SPSB4: variants seen among roughly 807,000 people sequenced by gnomAD.
SPSB4 encodes the protein SPRY domain-containing SOCS box protein 4.
A neutral mutation model predicts 20.9 loss-of-function variants in SPSB4; 21 were observed. That is an observed-to-expected ratio of 1.01 (90% CI 0.71 to 1.45). The LOEUF is 1.45. Ranked by LOEUF, SPSB4 falls within the 40% of genes most tolerant of loss-of-function variation. The pLI is 0.00. For missense variants in SPSB4, 399 were observed against 399.2 expected (o/e 1.00, Z 0.00); for synonymous variants, 207 against 183.8 (o/e 1.13, Z -1.02).
intron 2 of SPSB4, among the ~76,000 whole-genome samples, chr3:141,113,792 A>G (rs907600302): frequency 6.6e-6 from 1 of 152,210 alleles, no homozygotes; most frequent in Admixed American, 6.5e-5. Context: ...ACTGAATTGT[A>G]TACTTTAAAA....
rs1310083379 is a variant in SPSB4, at chr3:141,066,218, C to T, written c.114C>T (p.Asp38=). The T allele has an allele frequency of 4.5e-6, 7 of 1,547,948 alleles. No individual in the cohort carries two copies. The highest frequency in any genetic ancestry group is 6.1e-6 in the Non-Finnish European group (7 of 1,149,074). ...AGCCCGGGCGGCCGGCGCGGCTGGA[C>T]CAGCTGTTGGACATGCCAGCGGCGG... ...GAEPGRPARL[D]QLLDMPAAGL... Residue 38 remains aspartate, a synonymous_variant, in exon 2 of 3, where the codon GAC becomes GAT. Coordinates refer to ENST00000310546, the MANE Select transcript of SPSB4 (RefSeq NM_080862.3).
intron 1 of SPSB4, among the ~76,000 whole-genome samples, chr3:141,063,252 T>C (rs1243444678): frequency 1.3e-5 from 2 of 152,246 alleles, no homozygotes; most frequent in Admixed American, 6.5e-5. Flanking sequence ...TAAATCACTT[T>C]GCTTTGGGGA....
intron 2 of SPSB4, among the ~76,000 whole-genome samples, chr3:141,119,523 A>C (rs911907354): frequency 6.6e-6 from 1 of 152,096 alleles, no homozygotes; most frequent in East Asian, 1.9e-4. Flanking sequence ...ACTTCCAACA[A>C]TATGTTGAAT....
At chr3:141,106,817 C>T (rs962876228) in intron 2 of SPSB4, among the ~76,000 whole-genome samples, 5 of 152,194 alleles carry the variant, frequency 3.3e-5, no homozygotes, top group African/African-American at 7.2e-5. Context: ...CCTCAACCTA[C>T]CTGAAATAAC....
chr3:141,093,500 G>T (rs556653103), intron 2 of SPSB4, among the ~76,000 whole-genome samples: 36 of 151,980 alleles, frequency 2.4e-4, no homozygotes, highest in African/African-American at 8.5e-4. Context: ...GCCATACCGA[G>T]GTGTAATGCA....
At chr3:141,130,456 C>T (rs1939115325) in intron 2 of SPSB4, among the ~76,000 whole-genome samples, 1 of 152,146 alleles carries the variant, frequency 6.6e-6, no homozygotes, top group African/African-American at 2.4e-5. Flanking sequence ...GTCTCCTCCT[C>T]ATTTCATTCC....
intron 2 of SPSB4, among the ~76,000 whole-genome samples, chr3:141,097,050 T>C (rs572775105): frequency 6.6e-6 from 1 of 152,314 alleles, no homozygotes; most frequent in African/African-American, 2.4e-5. Flanking sequence ...CACCCTGAAA[T>C]ACCCGTTCTT....
chr3:141,096,366 G>A (rs1938548297), intron 2 of SPSB4, among the ~76,000 whole-genome samples: 1 of 152,164 alleles, frequency 6.6e-6, no homozygotes, highest in African/African-American at 2.4e-5. Flanking sequence ...TACTTCTTTT[G>A]ATGCAGCCTC....
chr3:141,139,512 C>T lies in SPSB4; in HGVS notation c.695-7630C>T, dbSNP rs909192535. Among the ~76,000 whole-genome samples, 20 of 152,274 alleles carry T rather than the reference C, an allele frequency of 1.3e-4. 1 individual carries two copies. Among genetic ancestry groups the T allele is most frequent in the African/African-American group, 4.8e-4 (20 of 41,552 alleles). On this transcript the variant is annotated intron_variant, in intron 2 of 2. Transcript: ENST00000310546. ...CCATGTTTAGTGCTTCCTTCAGGAG[C>T]TCTTTTAGGGCAGGCCTGGTGGTAA... is the stretch of plus-strand genomic sequence containing the variant.
At chr3:141,076,891 G>C (rs1481486559) in intron 2 of SPSB4, 2 of 152,262 alleles carry the variant, frequency 1.3e-5, no homozygotes, top group African/African-American at 2.4e-5. Flanking sequence ...GAACTCTTCT[G>C]ACTTGCTGAT....
Position 141,060,602 on chromosome 3 carries a change from A to G in SPSB4, c.-153-5350A>G, listed in dbSNP as rs75355363. Among the ~76,000 whole-genome samples the G allele has an allele frequency of 4.0e-3, 604 of 152,314 alleles. 7 individuals are homozygous for G. Among genetic ancestry groups the G allele is most frequent in the African/African-American group, 0.014 (577 of 41,568 alleles). The stretch of plus-strand genomic sequence containing the variant: ...GTATGCATGTGCTGTGTACATAGGT[A>G]GTTTTGTGCATTTGAGAACATATCT... On this transcript the variant is annotated intron_variant, in intron 1 of 2. Coordinates refer to ENST00000310546, the MANE Select transcript of SPSB4 (RefSeq NM_080862.3).
At chr3:141,112,631 C>A (rs1270124288) in intron 2 of SPSB4, among the ~76,000 whole-genome samples, 1 of 97,482 alleles carries the variant, frequency 1.0e-5, no homozygotes, top group Non-Finnish European at 1.8e-5. Flanking sequence ...GGCGACAGAG[C>A]GAGACTCCGT....
At chr3:141,115,640 C>T (rs901128101) in intron 2 of SPSB4, among the ~76,000 whole-genome samples, 2 of 152,168 alleles carry the variant, frequency 1.3e-5, no homozygotes, top group Non-Finnish European at 2.9e-5. Flanking sequence ...AAAAATTTAT[C>T]TAAAACAAAA....
At chr3:141,086,714 CAT>C (rs1225129319) in intron 2 of SPSB4, among the ~76,000 whole-genome samples, 1 of 152,198 alleles carries the variant, frequency 6.6e-6, no homozygotes, top group African/African-American at 2.4e-5. Context: ...AGTCCTGACA[CAT>C]AGGACATACG....
At chr3:141,141,440 A>G (rs541854887) in intron 2 of SPSB4, among the ~76,000 whole-genome samples, 1 of 152,308 alleles carries the variant, frequency 6.6e-6, no homozygotes, top group East Asian at 1.9e-4. Context: ...GGAGTTGTAG[A>G]CTGGAGCTGT....
At chr3:141,065,725 T>C (rs916539144) in intron 1 of SPSB4, among the ~76,000 whole-genome samples, 7 of 152,234 alleles carry the variant, frequency 4.6e-5, no homozygotes, top group African/African-American at 9.6e-5. Context: ...TGAATAATAA[T>C]GTATATCTCT....
rs571788767 is a variant in SPSB4 at position 141,072,378 on chromosome 3, C to A, written c.694+5580C>A. ...CAAATCTCGTGTTGAAATGAGATCCCCCAAGTTGGAGGTGGGGGTTGGTGG... is the reference window on the plus strand; with the variant it reads ...CAAATCTCGTGTTGAAATGAGATCCACCAAGTTGGAGGTGGGGGTTGGTGG... On this transcript the variant is annotated intron_variant, in intron 2 of 2. Transcript: ENST00000310546. 8.5e-5 allele frequency among the ~76,000 whole-genome samples: 13 copies of A among 152,246 alleles called. No homozygotes were observed. The East Asian group carries it at 2.5e-3, about 29-fold the overall frequency.
intron 2 of SPSB4, among the ~76,000 whole-genome samples, chr3:141,084,939 G>A (rs1232360664): frequency 1.3e-5 from 2 of 152,222 alleles, no homozygotes; most frequent in Non-Finnish European, 2.9e-5. Flanking sequence ...ATACAGAATT[G>A]TAGGAATTGG....
intron 2 of SPSB4, among the ~76,000 whole-genome samples, chr3:141,141,299 C>A (rs1206269053): frequency 1.3e-5 from 2 of 152,208 alleles, no homozygotes; most frequent in Non-Finnish European, 2.9e-5. Flanking sequence ...GACGCCTCGC[C>A]CTGCTTTGGC....
Sources: gnomAD v4.1 joint callset for allele counts (sites outside exome capture counted in the v4.1 genomes callset) on GRCh38, gnomAD v4.1.1 for gene constraint, MANE v1.5 for transcripts, NCBI Gene and HGNC (gene_info 2026-07-23, HGNC 2026-07-21) for gene names.